Variants in MAOA observed in about 807,000 individuals in gnomAD.
MAOA encodes the protein amine oxidase [flavin-containing] A.
A neutral mutation model predicts 42.0 loss-of-function variants in MAOA; 6 were observed. The observed-to-expected ratio is 0.14, with a 90% CI of 0.08 to 0.28. The LOEUF (loss-of-function observed/expected upper bound fraction) is 0.28, where lower values mean the gene tolerates loss of function less well. Among genes scored for constraint, MAOA ranks in the 10% least tolerant of loss-of-function variants. The pLI is 1.00. For synonymous variants in MAOA, 140 were observed against 154.0 expected (o/e 0.91, Z 0.67); for missense variants, 262 against 422.3 (o/e 0.62, Z 3.33).
At chrX:43,676,972 T>G (rs958173243) in intron 1 of MAOA, among the ~76,000 whole-genome samples, 2 of 111,378 alleles carry the variant, frequency 1.8e-5, no homozygotes, top group African/African-American at 6.5e-5. Context: ...AGACATCTGA[T>G]CATGTGTTGT....
chrX:43,743,576 GAT>G, intron 12 of MAOA: 1 of 442,499 alleles, frequency 2.3e-6, no homozygotes, highest in Non-Finnish European at 4.0e-6. Context: ...AATGATTGAT[GAT>G]CTGATGGCCT....
At chrX:43,697,485 A>G (rs2033590252) in intron 3 of MAOA, among the ~76,000 whole-genome samples, 1 of 112,502 alleles carries the variant, frequency 8.9e-6, no homozygotes, top group Non-Finnish European at 1.9e-5. Flanking sequence ...GTCAGAAAAT[A>G]AAGATTGAAG....
intron 3 of MAOA, among the ~76,000 whole-genome samples, chrX:43,707,422 G>A (rs975965287): frequency 6.3e-5 from 7 of 111,768 alleles, no homozygotes; most frequent in Non-Finnish European, 1.1e-4. Context: ...GGCAATGGGG[G>A]CATCATTTGA....
rs1338468517 is a variant in MAOA, at chrX:43,730,204, A to AC, written c.646-1037_646-1036insC. 5.5e-5 allele frequency among the ~76,000 whole-genome samples: 6 copies of AC among 108,786 alleles called. No individual in the cohort carries two copies. In the East Asian group the frequency reaches 1.7e-3, roughly 32 times the overall value. The allele number at this position is 108,786 out of a possible 115,157, so 94.5% of individuals were successfully genotyped here. A position where few individuals can be genotyped will look rare whatever the true frequency, so the allele number is the denominator to read the frequency against. On this transcript the variant is annotated intron_variant, in intron 6 of 14. Transcript: ENST00000338702. Reference sequence around the variant, plus strand: ...AGTGAAACTCCGTCTCAAAAAAAAAAAAAAAAAAAGAATCTTCTATAATAG... The same window carrying AC: ...AGTGAAACTCCGTCTCAAAAAAAAAACAAAAAAAAAGAATCTTCTATAATAG...
chrX:43,698,600 T>C (rs2033598932), intron 3 of MAOA, among the ~76,000 whole-genome samples: 1 of 112,350 alleles, frequency 8.9e-6, no homozygotes, highest in Non-Finnish European at 1.9e-5. Flanking sequence ...GGTGAACAAA[T>C]GATCAAAATT....
At chrX:43,720,411 C>G (rs771752577) in intron 5 of MAOA, among the ~76,000 whole-genome samples, 2 of 109,297 alleles carry the variant, frequency 1.8e-5, no homozygotes, top group Admixed American at 2.0e-4. Flanking sequence ...CAGGAATGAG[C>G]CACATGGGAA....
chrX:43,680,485 G>T (rs2033434241), intron 1 of MAOA, among the ~76,000 whole-genome samples: 1 of 111,309 alleles, frequency 9.0e-6, no homozygotes. Flanking sequence ...CTAAGTATCA[G>T]ATACAGAGGG....
At chrX:43,683,957 GACACAC>G (rs58791067) in intron 2 of MAOA, among the ~76,000 whole-genome samples, 5 of 103,847 alleles carry the variant, frequency 4.8e-5, no homozygotes, top group East Asian at 6.1e-4. Context: ...AATACACACA[GACACAC>G]ACACACACAC....
chrX:43,731,727 T>C lies in MAOA; in HGVS notation c.829T>C (p.Leu277=). The C allele has an allele frequency of 8.3e-7, 1 of 1,211,455 alleles. No individual in the cohort carries two copies. Among genetic ancestry groups the C allele is most frequent in the Non-Finnish European group, 1.1e-6 (1 of 895,215 alleles). The change falls in exon 8 of 15, where the codon TTG becomes CTG. Residue 277 remains leucine, a synonymous_variant. Coordinates refer to ENST00000338702, the MANE Select transcript of MAOA (RefSeq NM_000240.4). ...KYVINAIPPT[L]TAKIHFRPEL... ...CGTAATTAATGCGATCCCTCCGACC[T>C]TGACTGCCAAGATTCACTTCAGACC...
chrX:43,667,095 A>G (rs575644664), intron 1 of MAOA, among the ~76,000 whole-genome samples: 1 of 109,943 alleles, frequency 9.1e-6, no homozygotes, highest in Non-Finnish European at 1.9e-5. Context: ...CATATGTAAC[A>G]AACCTGCACA....
chrX:43,725,799 G>A (rs1028356968), intron 5 of MAOA, among the ~76,000 whole-genome samples: 1 of 112,075 alleles, frequency 8.9e-6, no homozygotes, highest in Non-Finnish European at 1.9e-5. Flanking sequence ...TGTTTTTGCA[G>A]TGGCTGGTAC....
At chrX:43,685,138 C>T (rs2033477624) in intron 2 of MAOA, among the ~76,000 whole-genome samples, 1 of 110,831 alleles carries the variant, frequency 9.0e-6, no homozygotes. Flanking sequence ...TTGAAGCCTC[C>T]CAAAGTGCTG....
At chrX:43,671,099 A>C (rs1252766491) in intron 1 of MAOA, among the ~76,000 whole-genome samples, 8 of 98,446 alleles carry the variant, frequency 8.1e-5, no homozygotes, top group African/African-American at 3.1e-4. Context: ...CCTCTCCAGC[A>C]CCTGTTGTTT....
chrX:43,711,911 T>C lies in MAOA; in HGVS notation c.346T>C (p.Trp116Arg), dbSNP rs1275754919. ...ATTTCGGGGCGCCTTTCCACCAGTA[T>C]GGAATCCCATTGCATATTTGGATTA... Reference protein sequence around the residue: ...YPFRGAFPPVWNPIAYLDYNN... With the variant: ...YPFRGAFPPVRNPIAYLDYNN... Residue 116 changes from tryptophan (W) to arginine (R), a missense_variant, in exon 4 of 15, where the codon TGG becomes CGG. Around this residue, in one of 3 missense-constraint regions of MAOA, gnomAD observed 141 missense variants for 195.6 expected, o/e 0.72. Coordinates refer to ENST00000338702, the MANE Select transcript of MAOA (RefSeq NM_000240.4). 1 of 1,207,806 alleles carries C rather than the reference T, an allele frequency of 8.3e-7. No homozygotes were observed. The highest frequency in any genetic ancestry group is 1.1e-6 in the Non-Finnish European group (1 of 893,441).
At chrX:43,658,542 G>A (rs183857900) in intron 1 of MAOA, among the ~76,000 whole-genome samples, 70 of 111,532 alleles carry the variant, frequency 6.3e-4, no homozygotes, top group African/African-American at 2.2e-3. Context: ...TAAGTTGTAG[G>A]TCCCACAAAA....
chrX:43,656,605 G>A (rs1354014424), intron 1 of MAOA, among the ~76,000 whole-genome samples, 191 bp downstream of exon 1: 1 of 111,203 alleles, frequency 9.0e-6, no homozygotes. Context: ...ACTGGGGGAG[G>A]CAGACACAAT....
chrX:43,683,198 T>A (rs1301191719), intron 1 of MAOA, among the ~76,000 whole-genome samples: 2 of 111,918 alleles, frequency 1.8e-5, no homozygotes, highest in Admixed American at 9.5e-5. Flanking sequence ...TAGGGATTGA[T>A]TTAGAGGCTC....
chrX:43,689,264 A>G (rs761666064), intron 2 of MAOA, among the ~76,000 whole-genome samples: 1 of 111,584 alleles, frequency 9.0e-6, no homozygotes, highest in East Asian at 2.8e-4. Flanking sequence ...TTTTTAGTGG[A>G]GTTAATTGAC....
At chrX:43,709,092 G>A (rs1454827288) in intron 3 of MAOA, among the ~76,000 whole-genome samples, 1 of 110,993 alleles carries the variant, frequency 9.0e-6, no homozygotes, top group Non-Finnish European at 1.9e-5. Context: ...TCAAACTCCT[G>A]ACCTCAGGTG....
Sources: gnomAD v4.1 joint callset for allele counts (sites outside exome capture counted in the v4.1 genomes callset) on GRCh38, gnomAD v4.1.1 for gene constraint, gnomAD v4.1.1 regional missense constraint, MANE v1.5 for transcripts, NCBI Gene and HGNC (gene_info 2026-07-23, HGNC 2026-07-21) for gene names.